Variants in EPB41L4A observed in about 807,000 individuals in gnomAD.
EPB41L4A encodes the protein band 4.1-like protein 4A.
A neutral mutation model predicts 108.6 loss-of-function variants in EPB41L4A; 100 were observed. The ratio of observed to expected loss-of-function variants is 0.92; its 90% CI spans 0.78 to 1.09. The LOEUF (loss-of-function observed/expected upper bound fraction) is 1.09. Ranked by LOEUF, EPB41L4A falls within the 50% of genes least tolerant of loss-of-function variation. EPB41L4A has a pLI of 0.00. For synonymous variants in EPB41L4A, 319 were observed against 289.0 expected, an observed-to-expected ratio of 1.10 and a Z score of -1.05; for missense variants, 1,030 against 842.7, an observed-to-expected ratio of 1.22 and a Z score of -2.75.
At chr5:112,193,210 TC>T (rs1561463830) in intron 17 of EPB41L4A, among the ~76,000 whole-genome samples, 1 of 152,206 alleles carries the variant, frequency 6.6e-6, no homozygotes, top group African/African-American at 2.4e-5. Flanking sequence ...GATCACTGAT[TC>T]AATTTGTGCC....
chr5:112,337,622 G>A (rs1184866771), intron 1 of EPB41L4A, among the ~76,000 whole-genome samples: 3 of 152,088 alleles, frequency 2.0e-5, no homozygotes, highest in Non-Finnish European at 4.4e-5. Flanking sequence ...TAACCCCCGA[G>A]TTCATATTCC....
At chr5:112,174,817 G>C (rs768731233) in intron 18 of EPB41L4A, among the ~76,000 whole-genome samples, 24 of 152,078 alleles carry the variant, frequency 1.6e-4, no homozygotes, top group Admixed American at 5.9e-4. Flanking sequence ...AGGAAATTTA[G>C]AGTGGAAAAT....
rs1425005393 is a variant in EPB41L4A at position 112,250,513 on chromosome 5, TC to T, written c.795+8715del. 5 of 152,184 alleles carry T rather than the reference TC, an allele frequency of 3.3e-5. No homozygotes were observed. The East Asian group carries it at 9.6e-4, about 29-fold the overall frequency. 9.4% of individuals were successfully genotyped at this position (152,184 alleles called of 1,614,324 possible). On this transcript the variant is annotated intron_variant, in intron 9 of 22. Transcript: ENST00000261486. ...TGTTTTAATGATAACTAACTTTTAT[TC>T]CCAATCTCACAGTGTTTTTAAAAAG...
In EPB41L4A at chr5:112,264,826, C is replaced by G. The variant is rs904634376; in HGVS notation, c.554+70G>C. 6.1e-6 allele frequency: 9 copies of G among 1,483,850 alleles called. No individual in the cohort carries two copies. The Admixed American group carries it at 1.9e-4, about 31-fold the overall frequency. 91.9% of individuals were successfully genotyped at this position (1,483,850 alleles called of 1,614,324 possible). ...GGTGAAGAATTTATCATTCTAGAAA[C>G]TTTTCTTGTGAATATCAGAAGATGA... On this transcript the variant is annotated intron_variant, in intron 6 of 22. Transcript: ENST00000261486.
At chr5:112,248,110 A>G (rs1486278445) in intron 9 of EPB41L4A, among the ~76,000 whole-genome samples, 2 of 152,166 alleles carry the variant, frequency 1.3e-5, no homozygotes, top group Admixed American at 6.5e-5. Context: ...CAAGCTGCCT[A>G]TTTTTTATCC....
At chr5:112,379,979 T>G (rs1481124805) in intron 1 of EPB41L4A, among the ~76,000 whole-genome samples, 1 of 152,240 alleles carries the variant, frequency 6.6e-6, no homozygotes, top group Non-Finnish European at 1.5e-5. Context: ...AATTTCTCTA[T>G]TTTATTATCT....
In EPB41L4A at chr5:112,168,988, CACTT is replaced by C. The variant is rs1226729346; in HGVS notation, c.1850+3_1850+6del. The C allele has an allele frequency of 6.2e-7, 1 of 1,602,548 alleles. No homozygotes were observed. Among genetic ancestry groups the C allele is most frequent in the Non-Finnish European group, 8.6e-7 (1 of 1,169,490 alleles). ...TGGTGATGGTGTACTCTGGCCTGCC[CACTT>C]ACTTCACTTCCGAGAGAACTGATCG... On this transcript the variant is annotated splice_donor_5th_base_variant and intron_variant, in intron 21 of 22. Transcript: ENST00000261486.
chr5:112,403,328 A>T (rs1761892893), intron 1 of EPB41L4A, among the ~76,000 whole-genome samples: 1 of 147,400 alleles, frequency 6.8e-6, no homozygotes, highest in African/African-American at 2.7e-5. Context: ...AGGTCCTCAT[A>T]ATCCTCAGCA....
intron 5 of EPB41L4A, among the ~76,000 whole-genome samples, chr5:112,265,674 C>T (rs1751797331): frequency 6.6e-6 from 1 of 152,262 alleles, no homozygotes; most frequent in South Asian, 2.1e-4. Context: ...ATTCTCCCCA[C>T]ATCTAGCTTG....
chr5:112,321,340 G>A (rs190767566), intron 1 of EPB41L4A, among the ~76,000 whole-genome samples: 31 of 152,298 alleles, frequency 2.0e-4, no homozygotes, highest in African/African-American at 7.5e-4. Context: ...CAATGACCAA[G>A]GTGAGCATTC....
At chr5:112,160,374 C>G (rs1326745117), downstream of EPB41L4A, among the ~76,000 whole-genome samples, 2 of 152,124 alleles carry the variant, frequency 1.3e-5, 1 homozygote, top group African/African-American at 4.8e-5. Flanking sequence ...CAGTGGCCTA[C>G]TCACCCAAGC....
At chr5:112,149,951 G>A (rs764554521) in intron 12 of EPB41L4A, among the ~76,000 whole-genome samples, 16 of 152,140 alleles carry the variant, frequency 1.1e-4, no homozygotes, top group South Asian at 2.1e-4. Context: ...TATGACCCAC[G>A]CATAACGTCT....
chr5:112,192,461 G>T (rs1038079120), intron 17 of EPB41L4A, among the ~76,000 whole-genome samples: 12 of 152,158 alleles, frequency 7.9e-5, no homozygotes, highest in Non-Finnish European at 1.5e-4. Context: ...GATTGTGAAG[G>T]CCTGTTGGAT....
At chr5:112,312,353 G>A (rs544262806) in intron 1 of EPB41L4A, among the ~76,000 whole-genome samples, 1 of 152,268 alleles carries the variant, frequency 6.6e-6, no homozygotes, top group South Asian at 2.1e-4. Flanking sequence ...TGCTGCAAAT[G>A]CTTTGCAAAT....
intron 1 of EPB41L4A, among the ~76,000 whole-genome samples, chr5:112,359,338 G>C (rs1758562690): frequency 6.6e-6 from 1 of 152,166 alleles, no homozygotes; most frequent in Non-Finnish European, 1.5e-5. Flanking sequence ...TCAGTTGAGT[G>C]CTTGCTTTCC....
At chr5:112,416,864 C>A (rs1561659587) in intron 1 of EPB41L4A, among the ~76,000 whole-genome samples, 1 of 152,098 alleles carries the variant, frequency 6.6e-6, no homozygotes, top group Non-Finnish European at 1.5e-5. Context: ...TATAAATATG[C>A]AAATATATTT....
intron 4 of EPB41L4A, among the ~76,000 whole-genome samples, chr5:112,271,475 G>A (rs973936535): frequency 1.4e-4 from 21 of 152,092 alleles, no homozygotes; most frequent in South Asian, 2.1e-4. Flanking sequence ...CCCATTGCAC[G>A]GATGAAAAAA....
At chr5:112,399,307 C>A (rs1005657574) in intron 1 of EPB41L4A, among the ~76,000 whole-genome samples, 2 of 152,066 alleles carry the variant, frequency 1.3e-5, no homozygotes, top group African/African-American at 4.8e-5. Flanking sequence ...CAGGAAGGCT[C>A]CCCTCCCATT....
chr5:112,340,034 G>C (rs539431646), intron 1 of EPB41L4A, among the ~76,000 whole-genome samples: 1 of 152,072 alleles, frequency 6.6e-6, no homozygotes, highest in Non-Finnish European at 1.5e-5. Context: ...CAGAACTCCC[G>C]ATTAGGGCCC....
Sources: gnomAD v4.1 joint callset for allele counts (sites outside exome capture counted in the v4.1 genomes callset) on GRCh38, gnomAD v4.1.1 for gene constraint, MANE v1.5 for transcripts, NCBI Gene and HGNC (gene_info 2026-07-23, HGNC 2026-07-21) for gene names.